PYHIN1: variants seen among roughly 807,000 people sequenced by gnomAD.
PYHIN1 encodes the protein pyrin and HIN domain-containing protein 1.
PYHIN1 carries 32 observed loss-of-function variants against 43.7 expected under a neutral mutation model. The ratio of observed to expected loss-of-function variants is 0.73; its 90% confidence interval spans 0.55 to 0.98. The LOEUF (loss-of-function observed/expected upper bound fraction) is 0.98, where lower values mean the gene tolerates loss of function less well. Ranked by LOEUF, PYHIN1 falls within the 50% of genes least tolerant of loss-of-function variation. The probability of loss-of-function intolerance (pLI) is 0.00; values close to 1 mark genes in which losing one functional copy is unlikely to be tolerated. For synonymous variants in PYHIN1, 205 were observed against 203.1 expected (o/e 1.01, Z -0.08); for missense variants, 588 against 589.5 (o/e 1.00, Z 0.03).
chr1:158,938,111 A>G (rs1648674294), intron 2 of PYHIN1, among the ~76,000 whole-genome samples: 1 of 152,232 alleles, frequency 6.6e-6, no homozygotes. Flanking sequence ...ATGATAGAAT[A>G]GGATTGGGAA....
chr1:158,956,298 C>G (rs1557835960), intron 7 of PYHIN1, among the ~76,000 whole-genome samples: 1 of 151,786 alleles, frequency 6.6e-6, no homozygotes, highest in East Asian at 1.9e-4. Context: ...GAGACACAAC[C>G]AAAAAAGAGA....
chr1:158,948,787 CT>C (rs773023826), intron 7 of PYHIN1, among the ~76,000 whole-genome samples: 3 of 152,146 alleles, frequency 2.0e-5, no homozygotes, highest in Non-Finnish European at 4.4e-5. Context: ...GCAGAGGAAC[CT>C]TGCCAATCAT....
the PYHIN1 span, among the ~76,000 whole-genome samples, chr1:158,982,809 A>G: frequency 2.6e-5 from 4 of 151,908 alleles, no homozygotes; most frequent in African/African-American, 7.3e-5. Flanking sequence ...ATCATCTCTA[A>G]TTTCTTTTAG....
At chr1:158,959,211 G>C (rs1215688199) in intron 7 of PYHIN1, among the ~76,000 whole-genome samples, 8 of 152,154 alleles carry the variant, frequency 5.3e-5, no homozygotes. Flanking sequence ...CACTGACACA[G>C]ATATTCTGCC....
chr1:158,969,496 T>C (rs956180506), intron 7 of PYHIN1, among the ~76,000 whole-genome samples: 4 of 152,054 alleles, frequency 2.6e-5, no homozygotes, highest in African/African-American at 9.7e-5. Context: ...ACAGGACTCC[T>C]ATGTAAGGAG....
intron 8 of PYHIN1, among the ~76,000 whole-genome samples, chr1:158,974,186 C>T (rs1341520319): frequency 2.0e-5 from 3 of 151,958 alleles, no homozygotes; most frequent in African/African-American, 7.2e-5. Flanking sequence ...TTGGCATATG[C>T]TACTTCCTTT....
At chr1:158,983,905 G>C in the PYHIN1 span, among the ~76,000 whole-genome samples, 1 of 151,704 alleles carries the variant, frequency 6.6e-6, no homozygotes, top group East Asian at 1.9e-4. Context: ...GTTTCTTCTA[G>C]ATTTTCTAGT....
At chr1:158,973,307 G>A (rs1651042437) in intron 7 of PYHIN1, among the ~76,000 whole-genome samples, 1 of 151,910 alleles carries the variant, frequency 6.6e-6, no homozygotes, top group Non-Finnish European at 1.5e-5. Context: ...GATTTTATCT[G>A]GTGGATCAGT....
Position 158,973,692 on chromosome 1 carries a change from A to G in PYHIN1, c.1405A>G (p.Arg469Gly), listed in dbSNP as rs1384888148. 2 of 1,613,316 alleles carry G rather than the reference A, an allele frequency of 1.2e-6. No homozygotes were observed. The highest frequency in any genetic ancestry group is 1.7e-6 in the Non-Finnish European group (2 of 1,179,504). Reference sequence around the variant, plus strand: ...AGCACAGTCATCGCCTGCAAACTTTAGAATCACCTCACCAACTGTGGCCCC... The same window carrying G: ...AGCACAGTCATCGCCTGCAAACTTTGGAATCACCTCACCAACTGTGGCCCC... Reference protein sequence around the residue: ...PGAQSSPANFRITSPTVAPPL... With the variant: ...PGAQSSPANFGITSPTVAPPL... The change falls in exon 8 of 9, where the codon AGA becomes GGA. Residue 469 changes from arginine to glycine, a missense_variant. Coordinates refer to ENST00000368140, the MANE Select transcript of PYHIN1 (RefSeq NM_152501.5).
rs1198982159 is a variant in PYHIN1, at chr1:158,958,271, A to G, written c.1359+13229A>G. On this transcript the variant is annotated intron_variant, in intron 7 of 8. Transcript: ENST00000368140. ...CCATTACTGGGTATATACCCAAAGG[A>G]CTATAAATCATGCTGCTATAAAGAC... Among the ~76,000 whole-genome samples, 5 of 151,074 alleles carry G rather than the reference A, an allele frequency of 3.3e-5. No homozygotes were observed. In the East Asian group the frequency reaches 9.7e-4, roughly 29 times the overall value.
At chr1:158,973,368 A>T (rs1651045170) in intron 7 of PYHIN1, among the ~76,000 whole-genome samples, 1 of 152,022 alleles carries the variant, frequency 6.6e-6, no homozygotes, top group Non-Finnish European at 1.5e-5. Context: ...CCCATGCCTA[A>T]TCATTTCCAG....
intron 2 of PYHIN1, among the ~76,000 whole-genome samples, 189 bp downstream of exon 2, chr1:158,937,364 A>G (rs1279527060): frequency 6.6e-6 from 1 of 152,204 alleles, no homozygotes; most frequent in Non-Finnish European, 1.5e-5. Context: ...AAGTGGATTG[A>G]CGTATATCGG....
rs79928064 is a variant in PYHIN1, at chr1:158,939,201, C to G, written c.533C>G (p.Pro178Arg). 2.0e-5 allele frequency: 33 copies of G among 1,609,944 alleles called. No individual in the cohort carries two copies. In the East Asian group the frequency reaches 5.8e-4, roughly 28 times the overall value. Reference protein sequence around the residue: ...STSTAMGRSPPPQTSSSAPPN... With the variant: ...STSTAMGRSPRPQTSSSAPPN... Reference sequence around the variant, plus strand: ...TCCACAGCCATGGGCCGTTCCCCACCTCCCCAGACCTCATCATCAGCTCCA... The same window carrying G: ...TCCACAGCCATGGGCCGTTCCCCACGTCCCCAGACCTCATCATCAGCTCCA... The change falls in exon 4 of 9, where the codon CCT becomes CGT. Residue 178 changes from proline (P) to arginine (R), a missense_variant. Pro to Arg is a moderately radical substitution (Grantham distance 103). Coordinates refer to ENST00000368140, the MANE Select transcript of PYHIN1 (RefSeq NM_152501.5).
At chr1:158,966,945 T>A (rs562656322) in intron 7 of PYHIN1, among the ~76,000 whole-genome samples, 1 of 152,236 alleles carries the variant, frequency 6.6e-6, no homozygotes, top group African/African-American at 2.4e-5. Context: ...GATGACAAAA[T>A]CCTGTATTTA....
chr1:158,988,349 T>A, the PYHIN1 span, among the ~76,000 whole-genome samples: 1 of 152,142 alleles, frequency 6.6e-6, no homozygotes, highest in Non-Finnish European at 1.5e-5. Flanking sequence ...AGGTGTGTAA[T>A]ATAAAAACTA....
At position 158,943,882 on chromosome 1, in the gene PYHIN1, C is replaced by T. The variant is rs762648714; in HGVS notation, c.1095C>T (p.Pro365=). 6.2e-7 allele frequency: 1 copy of T among 1,610,506 alleles called. No homozygotes were observed. The highest frequency in any genetic ancestry group is 1.1e-5 in the South Asian group (1 of 90,740). Reference sequence around the variant, plus strand: ...GAAAAGGAGAATGCCACAATATCCCCTGTGAAAAAGGAGATAAGCTTCGAC... The same window carrying T: ...GAAAAGGAGAATGCCACAATATCCCTTGTGAAAAAGGAGATAAGCTTCGAC... ...VVGKGECHNI[P]CEKGDKLRLF... Residue 365 remains proline, a synonymous_variant, in exon 6 of 9, where the codon CCC becomes CCT. Transcript: ENST00000368140.
chr1:158,943,720 A>T, intron 5 of PYHIN1, 70 bp from the exon 6 acceptor site: 1 of 1,185,806 alleles, frequency 8.4e-7, no homozygotes, highest in Non-Finnish European at 1.2e-6. Context: ...TTAATCTGTC[A>T]CAAGAGACTT....
intron 1 of PYHIN1, among the ~76,000 whole-genome samples, chr1:158,934,694 C>A (rs999421485): frequency 6.6e-6 from 1 of 152,084 alleles, no homozygotes; most frequent in African/African-American, 2.4e-5. Context: ...TACACAAATA[C>A]ATGTTTTCTA....
chr1:158,957,087 G>C (rs1649986408), intron 7 of PYHIN1, among the ~76,000 whole-genome samples: 2 of 146,744 alleles, frequency 1.4e-5, no homozygotes, highest in African/African-American at 5.1e-5. Context: ...ACAAACCACT[G>C]CTCAAGGAAA....
Sources: allele counts gnomAD v4.1 joint callset (sites outside exome capture counted in the v4.1 genomes callset), GRCh38; gene constraint gnomAD v4.1.1; transcripts MANE v1.5; gene names NCBI Gene and HGNC (gene_info 2026-07-23, HGNC 2026-07-21).